GUCY2F: variants seen among roughly 807,000 people sequenced by gnomAD.
The protein encoded by GUCY2F is guanylate cyclase 2F, retinal, also known as retinal guanylyl cyclase 2.
A neutral mutation model predicts 73.1 loss-of-function variants in GUCY2F; 61 were observed. The observed-to-expected ratio is 0.83, with a 90% CI of 0.68 to 1.03. The LOEUF (loss-of-function observed/expected upper bound fraction) is 1.03. Ranked by LOEUF, GUCY2F falls within the 50% of genes least tolerant of loss-of-function variation. GUCY2F has a pLI of 0.00. For synonymous variants in GUCY2F, 331 were observed against 307.8 expected (o/e 1.08, Z -0.79); for missense variants, 912 against 854.3 (o/e 1.07, Z -0.84).
chrX:109,438,614 C>T (rs1442026264), intron 7 of GUCY2F, among the ~76,000 whole-genome samples: 1 of 113,047 alleles, frequency 8.8e-6, no homozygotes, highest in African/African-American at 3.2e-5. Flanking sequence ...TTCCAATTCC[C>T]AGACACACTG....
intron 17 of GUCY2F, among the ~76,000 whole-genome samples, chrX:109,381,681 A>G (rs140549848): frequency 1.8e-3 from 204 of 112,307 alleles, no homozygotes; most frequent in African/African-American, 6.4e-3. Context: ...TAGTGTGCCA[A>G]TGGGTGCCTT....
intron 3 of GUCY2F, among the ~76,000 whole-genome samples, chrX:109,457,689 T>C (rs1932287285): frequency 9.0e-6 from 1 of 111,338 alleles, no homozygotes; most frequent in Non-Finnish European, 1.9e-5. Flanking sequence ...TTCTGGAATG[T>C]TCCAGTCCTA....
At chrX:109,466,917 GT>G (rs1363695292) in intron 2 of GUCY2F, among the ~76,000 whole-genome samples, 6 of 112,168 alleles carry the variant, frequency 5.3e-5, no homozygotes, top group Non-Finnish European at 1.1e-4. Context: ...AGTTTTTAAA[GT>G]GTAACTAATA....
intron 7 of GUCY2F, among the ~76,000 whole-genome samples, chrX:109,438,917 G>T (rs1931812282): frequency 8.9e-6 from 1 of 112,760 alleles, no homozygotes; most frequent in African/African-American, 3.2e-5. Flanking sequence ...AATTCCACTG[G>T]GTATTGTTCT....
Position 109,409,148 on chromosome X carries a change from C to T in GUCY2F, c.1812G>A (p.Glu604=). The T allele has an allele frequency of 8.9e-7, 1 of 1,121,765 alleles. No individual in the cohort carries two copies. The highest frequency in any genetic ancestry group is 1.2e-6 in the Non-Finnish European group (1 of 815,073). The allele number at this position is 1,121,765 out of a possible 1,213,427, so 92.4% of individuals were successfully genotyped here. A position where few individuals can be genotyped will look rare whatever the true frequency, so the allele number is the denominator to read the frequency against. The part of the protein sequence containing the change: ...VFEMMKDLRH[E]NINPLLGFFY... ...AGAAACCCAATAAAGGGTTAATATT[C>T]TCATGACGCAAGTCCTTCATCTGGA... Residue 604 remains glutamate (E), a synonymous_variant, in exon 9 of 20, where the codon GAG becomes GAA. Transcript: ENST00000218006.
At chrX:109,426,973 G>A (rs1931503946) in intron 8 of GUCY2F, among the ~76,000 whole-genome samples, 1 of 111,953 alleles carries the variant, frequency 8.9e-6, no homozygotes, top group African/African-American at 3.2e-5. Flanking sequence ...AACAGGAGGT[G>A]TAGAAGATGC....
intron 2 of GUCY2F, among the ~76,000 whole-genome samples, chrX:109,472,389 T>C (rs1932592892): frequency 8.9e-6 from 1 of 111,820 alleles, no homozygotes; most frequent in African/African-American, 3.3e-5. Context: ...TCTGAAGGTT[T>C]GCTTGGGGGT....
intron 2 of GUCY2F, among the ~76,000 whole-genome samples, chrX:109,469,636 G>T (rs989948572): frequency 3.6e-5 from 4 of 110,909 alleles, no homozygotes; most frequent in African/African-American, 1.3e-4. Flanking sequence ...CTAACAGGGC[G>T]GGGAGGGGAG....
intron 9 of GUCY2F, 27 bp downstream of exon 9, chrX:109,408,965 C>CTTT: frequency 1.2e-6 from 1 of 840,026 alleles, no homozygotes; most frequent in Non-Finnish European, 1.8e-6. Context: ...AGAGAAAATC[C>CTTT]AAGATTTCCT....
At chrX:109,476,828 T>A (rs1462986418) in intron 1 of GUCY2F, among the ~76,000 whole-genome samples, 3 of 93,907 alleles carry the variant, frequency 3.2e-5, no homozygotes, top group Non-Finnish European at 5.7e-5. Flanking sequence ...TATATATGTG[T>A]ATATATATAT....
intron 2 of GUCY2F, among the ~76,000 whole-genome samples, chrX:109,468,108 C>T (rs1173331082): frequency 8.9e-6 from 1 of 111,749 alleles, no homozygotes; most frequent in Non-Finnish European, 1.9e-5. Flanking sequence ...CTCTTCCTCA[C>T]AGGTGTTCTC....
At chrX:109,450,657 A>T (rs1932117615) in intron 5 of GUCY2F, among the ~76,000 whole-genome samples, 2 of 112,711 alleles carry the variant, frequency 1.8e-5, no homozygotes, top group African/African-American at 6.4e-5. Context: ...TACAGAAATT[A>T]AAAGAAAAAC....
chrX:109,430,509 A>G, intron 7 of GUCY2F, 113 bp from the exon 8 acceptor site: 2 of 494,610 alleles, frequency 4.0e-6, no homozygotes, highest in Non-Finnish European at 7.0e-6. Context: ...CCAAATAGAC[A>G]TTTTCCTTCT....
rs202085243 is a variant in GUCY2F, at chrX:109,447,886, AT to A, written c.1569+182del. On this transcript the variant is annotated intron_variant, in intron 6 of 19. Transcript: ENST00000218006. Reference sequence around the variant, plus strand: ...TTAATTAACATTTTTAATTTTTTTAATTTTTTTTTTAAATTTAATAAGATAT... The same window carrying A: ...TTAATTAACATTTTTAATTTTTTTAATTTTTTTTTAAATTTAATAAGATAT... 6.9e-3 allele frequency among the ~76,000 whole-genome samples: 731 copies of A among 106,023 alleles called. 6 individuals carry two copies. The highest frequency in any genetic ancestry group is 0.021 in the African/African-American group (564 of 27,334). 92.1% of individuals were successfully genotyped at this position (106,023 alleles called of 115,157 possible).
chrX:109,392,845 G>T, intron 13 of GUCY2F, 47 bp downstream of exon 13: 115 of 734,538 alleles, frequency 1.6e-4, no homozygotes, highest in Non-Finnish European at 2.1e-4. Context: ...TTTTTTAACA[G>T]AACACACTGT....
At chrX:109,456,906 G>A (rs1392679053) in intron 3 of GUCY2F, among the ~76,000 whole-genome samples, 3 of 111,309 alleles carry the variant, frequency 2.7e-5, no homozygotes, top group Admixed American at 9.6e-5. Context: ...CACAAATAAC[G>A]AGAAAGAGAA....
chrX:109,462,592 T>G (rs767802240), intron 3 of GUCY2F, among the ~76,000 whole-genome samples: 8 of 111,672 alleles, frequency 7.2e-5, no homozygotes, highest in Non-Finnish European at 1.5e-4. Context: ...TTTGCCTTAA[T>G]TACCTTATGT....
chrX:109,404,595 C>CT (rs1930932133), intron 9 of GUCY2F, 111 bp from the exon 10 acceptor site: 1 of 525,995 alleles, frequency 1.9e-6, no homozygotes, highest in Non-Finnish European at 3.1e-6. Context: ...CAGAACTCAG[C>CT]TTTTTTCTCT....
At chrX:109,410,012 C>G (rs764382768) in intron 8 of GUCY2F, among the ~76,000 whole-genome samples, 18 of 111,433 alleles carry the variant, frequency 1.6e-4, no homozygotes, top group Admixed American at 1.1e-3. Context: ...CTCACCCCAG[C>G]CCTGCCCCCT....
Sources: gnomAD v4.1 joint callset for allele counts (sites outside exome capture counted in the v4.1 genomes callset) on GRCh38, gnomAD v4.1.1 for gene constraint, MANE v1.5 for transcripts, NCBI Gene and HGNC (gene_info 2026-07-23, HGNC 2026-07-21) for gene names.